The following IGFL2 variants were observed in gnomAD, a reference collection of about 807,000 sequenced individuals.
The protein encoded by IGFL2 is IGF like family member 2, also known as insulin growth factor-like family member 2.
In IGFL2, 7 loss-of-function variants were observed where a neutral mutation model predicts 13.9. The ratio of observed to expected loss-of-function variants is 0.51; its 90% CI spans 0.29 to 0.95. IGFL2 has a LOEUF of 0.95. Among genes scored for constraint, IGFL2 ranks in the 40% least tolerant of loss-of-function variants. The pLI is 0.08. For synonymous variants in IGFL2, 55 were observed against 55.8 expected (o/e 0.99, Z 0.07); for missense variants, 138 against 147.8 (o/e 0.93, Z 0.34).
the IGFL2 span, among the ~76,000 whole-genome samples, chr19:46,099,551 C>T: frequency 1.0e-4 from 15 of 148,292 alleles, no homozygotes; most frequent in African/African-American, 3.2e-4. Context: ...TTTTTTGAGA[C>T]GGAGTCTCAC....
the IGFL2 span, among the ~76,000 whole-genome samples, chr19:46,186,434 C>G: frequency 6.6e-6 from 1 of 152,198 alleles, no homozygotes; most frequent in Non-Finnish European, 1.5e-5. Flanking sequence ...GTGGCAGGCT[C>G]TTATCGGTGT....
chr19:46,130,640 T>C, the IGFL2 span, among the ~76,000 whole-genome samples: 53 of 152,298 alleles, frequency 3.5e-4, no homozygotes, highest in African/African-American at 1.3e-3. Flanking sequence ...AGGTTCCAAA[T>C]TAAAAAATAA....
chr19:46,142,258 G>C (rs1454053457), upstream of IGFL2, among the ~76,000 whole-genome samples: 2 of 152,130 alleles, frequency 1.3e-5, no homozygotes, highest in African/African-American at 4.8e-5. Flanking sequence ...TATGTTGGAT[G>C]GAAAATTTTC....
the IGFL2 span, among the ~76,000 whole-genome samples, chr19:46,110,051 T>G: frequency 6.6e-6 from 1 of 152,204 alleles, no homozygotes; most frequent in African/African-American, 2.4e-5. Context: ...AAGCCTAGAT[T>G]GTAGCCCTCC....
chr19:46,192,184 C>G, the IGFL2 span, among the ~76,000 whole-genome samples: 16,668 of 152,154 alleles, frequency 0.11, 1,354 homozygotes, highest in African/African-American at 0.23. Flanking sequence ...CTGTGGCTAG[C>G]GCTCCCAGGT....
chr19:46,092,650 T>A, the IGFL2 span, among the ~76,000 whole-genome samples: 12 of 145,722 alleles, frequency 8.2e-5, no homozygotes, highest in Middle Eastern at 7.1e-3. Flanking sequence ...AAAAAAAAAA[T>A]TTTTTTTTTT....
intron 1 of IGFL2, among the ~76,000 whole-genome samples, chr19:46,151,084 A>T (rs1973459597): frequency 6.6e-6 from 1 of 152,218 alleles, no homozygotes; most frequent in South Asian, 2.1e-4. Context: ...CCATCTGCCC[A>T]CACCAATCCT....
At chr19:46,101,358 A>G in the IGFL2 span, among the ~76,000 whole-genome samples, 3 of 152,276 alleles carry the variant, frequency 2.0e-5, no homozygotes, top group East Asian at 5.8e-4. Context: ...GGCCATGGCC[A>G]CCCCTCCCAC....
chr19:46,146,769 A>T (rs1248737577), upstream of IGFL2, among the ~76,000 whole-genome samples: 1 of 152,106 alleles, frequency 6.6e-6, no homozygotes, highest in African/African-American at 2.4e-5. Flanking sequence ...AATACAATTG[A>T]CTTCTGTGTG....
At chr19:46,097,269 T>A in the IGFL2 span, among the ~76,000 whole-genome samples, 1 of 152,246 alleles carries the variant, frequency 6.6e-6, no homozygotes, top group Non-Finnish European at 1.5e-5. Context: ...CAGAAATTTG[T>A]CCATTTCTTC....
the IGFL2 span, among the ~76,000 whole-genome samples, chr19:46,126,583 G>T: frequency 6.6e-6 from 1 of 152,130 alleles, no homozygotes; most frequent in Non-Finnish European, 1.5e-5. Flanking sequence ...AAAGCACTTG[G>T]TTGTTGATCT....
the IGFL2 span, among the ~76,000 whole-genome samples, chr19:46,102,902 C>T: frequency 1.3e-5 from 2 of 152,054 alleles, no homozygotes; most frequent in Non-Finnish European, 1.5e-5. Context: ...GCATGGGAAC[C>T]TGGAGTGGGA....
the IGFL2 span, among the ~76,000 whole-genome samples, chr19:46,087,217 A>G: frequency 0.28 from 42,034 of 152,018 alleles, 7,225 homozygotes; most frequent in Non-Finnish European, 0.38. Flanking sequence ...TGATGGGACA[A>G]TCCTCTGAGA....
the IGFL2 span, among the ~76,000 whole-genome samples, chr19:46,206,371 G>A: frequency 6.6e-6 from 1 of 152,174 alleles, no homozygotes; most frequent in Non-Finnish European, 1.5e-5. Flanking sequence ...TGCTCTCCAG[G>A]CCTAAATTCA....
chr19:46,084,473 T>C, the IGFL2 span, among the ~76,000 whole-genome samples: 1 of 152,190 alleles, frequency 6.6e-6, no homozygotes. Context: ...TATTAATATG[T>C]TAGGCCATTC....
chr19:46,165,960 A>C (rs894720791), downstream of IGFL2, among the ~76,000 whole-genome samples: 1 of 152,218 alleles, frequency 6.6e-6, no homozygotes, highest in Non-Finnish European at 1.5e-5. Context: ...GTGGAAGGAC[A>C]TTCTCCATTG....
chr19:46,129,305 TTTTGTGTGTGTGTGTGTGTG>T, the IGFL2 span, among the ~76,000 whole-genome samples: 2 of 128,326 alleles, frequency 1.6e-5, no homozygotes, highest in African/African-American at 6.3e-5. Flanking sequence ...TTTGTTGATC[TTTTGTGTGTGTGTGTGTGTG>T]TGTGTGTGTG....
the IGFL2 span, chr19:46,203,143 T>G: frequency 1.3e-5 from 2 of 152,034 alleles, no homozygotes; most frequent in South Asian, 4.2e-4. Flanking sequence ...AAAATTACAG[T>G]TAAAGGTGGT....
chr19:46,130,757 G>T, the IGFL2 span, among the ~76,000 whole-genome samples: 1 of 152,088 alleles, frequency 6.6e-6, no homozygotes, highest in African/African-American at 2.4e-5. Flanking sequence ...TTCTGTAAAT[G>T]ATACACTATT....
Sources: gnomAD v4.1 joint callset for allele counts (sites outside exome capture counted in the v4.1 genomes callset) on GRCh38, gnomAD v4.1.1 for gene constraint, MANE v1.5 for transcripts, NCBI Gene and HGNC (gene_info 2026-07-23, HGNC 2026-07-21) for gene names.